NIPBL: variants seen among roughly 807,000 people sequenced by gnomAD.
NIPBL encodes NIPBL cohesin loading factor.
In NIPBL, 19 loss-of-function variants were observed where a neutral mutation model predicts 321.8. That is an observed-to-expected ratio of 0.06 (90% confidence interval 0.04 to 0.09). The LOEUF (loss-of-function observed/expected upper bound fraction) is 0.09, where lower values mean the gene tolerates loss of function less well. NIPBL is among the 10% of genes least tolerant of loss of function. NIPBL has a pLI of 1.00. For missense variants in NIPBL, 2,210 were observed against 3,327.0 expected (o/e 0.66, Z 8.26); for synonymous variants, 1,106 against 1,114.1 (o/e 0.99, Z 0.14).
At chr5:36,920,925 T>C (rs1561387772) in intron 1 of NIPBL, among the ~76,000 whole-genome samples, 1 of 152,102 alleles carries the variant, frequency 6.6e-6, no homozygotes, top group African/African-American at 2.4e-5. Context: ...CATTCTCTGC[T>C]TTGGCTGCTG....
intron 1 of NIPBL, among the ~76,000 whole-genome samples, chr5:36,907,525 A>T (rs1239161458): frequency 1.3e-5 from 2 of 152,200 alleles, no homozygotes; most frequent in African/African-American, 4.8e-5. Flanking sequence ...CTTCGGGAGT[A>T]TTATATGCAT....
chr5:36,896,280 A>C (rs1018012837), intron 1 of NIPBL, among the ~76,000 whole-genome samples: 1 of 152,196 alleles, frequency 6.6e-6, no homozygotes, highest in Non-Finnish European at 1.5e-5. Flanking sequence ...TTATTCCATC[A>C]GTCCATATGT....
intron 11 of NIPBL, among the ~76,000 whole-genome samples, chr5:36,997,669 C>T (rs537620329): frequency 1.3e-5 from 2 of 152,222 alleles, no homozygotes; most frequent in African/African-American, 2.4e-5. Flanking sequence ...GGAGTAGCTT[C>T]CTGTTTTTCT....
At chr5:36,999,441 G>A (rs1467617479) in intron 11 of NIPBL, among the ~76,000 whole-genome samples, 1 of 152,134 alleles carries the variant, frequency 6.6e-6, no homozygotes, top group Non-Finnish European at 1.5e-5. Flanking sequence ...AACAGACATG[G>A]TAAATATTTG....
At chr5:37,048,394 T>C (rs897371936) in intron 38 of NIPBL, 108 bp from the exon 39 acceptor site, 7 of 625,260 alleles carry the variant, frequency 1.1e-5, no homozygotes, top group South Asian at 4.2e-5. Flanking sequence ...TTTTAAGTTT[T>C]AATTTTTTGA....
chr5:36,952,058 G>GCA lies in NIPBL; in HGVS notation c.-79-1559_-79-1558insAC, dbSNP rs1561070130. 1.5e-4 allele frequency among the ~76,000 whole-genome samples: 14 copies of GCA among 92,958 alleles called. No homozygotes were observed. The East Asian group carries it at 1.8e-3, about 12-fold the overall frequency. The allele number at this position is 92,958 out of a possible 152,430, so 61.0% of individuals were successfully genotyped here. On this transcript the variant is annotated intron_variant, in intron 1 of 46. Coordinates refer to ENST00000282516, the MANE Select transcript of NIPBL (RefSeq NM_133433.4). ...TGTGTGTGTGTGTGTGTGTGTGCGC[G>GCA]CGCGCGCGCGCGCGCATGTGTGTGT...
At chr5:36,909,355 G>T (rs1397294441) in intron 1 of NIPBL, among the ~76,000 whole-genome samples, 1 of 152,196 alleles carries the variant, frequency 6.6e-6, no homozygotes, top group Admixed American at 6.5e-5. Context: ...AGAGTTCAGT[G>T]TATTCAGGAA....
chr5:37,045,665 AG>A, intron 37 of NIPBL, 68 bp downstream of exon 37: 1 of 1,498,246 alleles, frequency 6.7e-7, no homozygotes, highest in Non-Finnish European at 9.3e-7. Context: ...TGAGAATGAC[AG>A]TAGTGACCCA....
intron 9 of NIPBL, 133 bp downstream of exon 9, chr5:36,976,535 A>G: frequency 1.3e-6 from 1 of 790,788 alleles, no homozygotes; most frequent in Non-Finnish European, 2.0e-6. Flanking sequence ...TATTTTTATT[A>G]CTAATACTCA....
At chr5:37,010,468 A>G (rs1490026875) in intron 21 of NIPBL, among the ~76,000 whole-genome samples, 1 of 152,068 alleles carries the variant, frequency 6.6e-6, no homozygotes, top group Non-Finnish European at 1.5e-5. Context: ...GGCACGCACC[A>G]CCACGCCCGG....
intron 9 of NIPBL, among the ~76,000 whole-genome samples, chr5:36,982,598 T>G (rs1287900335): frequency 6.6e-6 from 1 of 151,882 alleles, no homozygotes; most frequent in Non-Finnish European, 1.5e-5. Flanking sequence ...CTTTCATACA[T>G]TTTTTATTAT....
intron 32 of NIPBL, among the ~76,000 whole-genome samples, chr5:37,033,351 G>T (rs1049638971): frequency 2.6e-5 from 4 of 151,914 alleles, no homozygotes; most frequent in Non-Finnish European, 4.4e-5. Flanking sequence ...AAAATATTGG[G>T]ACTTATTTTC....
rs1443645418 is a variant in NIPBL, at chr5:37,000,418, A to G, written c.3350A>G (p.Tyr1117Cys). 5.6e-6 allele frequency: 9 copies of G among 1,613,234 alleles called. No homozygotes were observed. In the Admixed American group the frequency reaches 1.5e-4, roughly 27 times the overall value. ...AAAGATGATGATAAAGCTTGGGAAT[A>G]TGAAGAGCGTGACAGAAGAAGCTCT... ...HKKDDDKAWE[Y>C]EERDRRSSGD... Residue 1117 changes from tyrosine (Y) to cysteine (C), a missense_variant, in exon 12 of 47, where the codon TAT (tyrosine) becomes TGT (cysteine). Physicochemically the swap from Tyr to Cys is radical, Grantham distance 194. Coordinates refer to ENST00000282516, the MANE Select transcript of NIPBL (RefSeq NM_133433.4).
intron 8 of NIPBL, among the ~76,000 whole-genome samples, chr5:36,972,610 G>A (rs1013510071): frequency 6.6e-6 from 1 of 152,058 alleles, no homozygotes; most frequent in African/African-American, 2.4e-5. Context: ...TGTCTCCCAA[G>A]TTCTAATTCT....
rs181248975 is a variant in NIPBL, at chr5:37,058,623, C to T, written c.7411-268C>T. On this transcript the variant is annotated intron_variant, in intron 43 of 46. Transcript: ENST00000282516. ...TTTTATAACTATCTTTTATTACTGT[C>T]CTTAGAAGAAAATTGTTTCCCTTTG... Among the ~76,000 whole-genome samples, 7 of 152,160 alleles carry T rather than the reference C, an allele frequency of 4.6e-5. No individual in the cohort carries two copies. The East Asian group carries it at 1.4e-3, about 29-fold the overall frequency.
At chr5:36,941,602 C>A (rs1349678047) in intron 1 of NIPBL, among the ~76,000 whole-genome samples, 1 of 150,938 alleles carries the variant, frequency 6.6e-6, no homozygotes. Context: ...TGTTTGGAAT[C>A]ATTATCTGAG....
At chr5:37,050,013 A>G (rs1160350606) in intron 40 of NIPBL, among the ~76,000 whole-genome samples, 1 of 152,156 alleles carries the variant, frequency 6.6e-6, no homozygotes, top group Non-Finnish European at 1.5e-5. Context: ...ATGTTAACAA[A>G]TATTTATCCT....
In NIPBL at chr5:37,026,216, C is replaced by A. The variant is rs562131143; in HGVS notation, c.5710-13C>A. ...GTTATAATTAGTTAATTTGAAATTT[C>A]TCTTCCTTCTAGAAATTAGTAAATG... On this transcript the variant is annotated splice_polypyrimidine_tract_variant and intron_variant, in intron 30 of 46. Transcript: ENST00000282516. 2.7e-6 allele frequency: 4 copies of A among 1,489,510 alleles called. No homozygotes were observed. Among genetic ancestry groups the A allele is most frequent in the Non-Finnish European group, 3.7e-6 (4 of 1,069,170 alleles). The allele number at this position is 1,489,510 out of a possible 1,614,324, so 92.3% of individuals were successfully genotyped here.
rs995322514 is a variant in NIPBL at position 37,065,037 on chromosome 5, C to G, written c.*145C>G. 7.1e-6 allele frequency: 7 copies of G among 984,704 alleles called. No individual in the cohort carries two copies. Among genetic ancestry groups the G allele is most frequent in the East Asian group, 2.6e-5 (1 of 39,172 alleles). 61.0% of individuals were successfully genotyped at this position (984,704 alleles called of 1,614,324 possible). A position where few individuals can be genotyped will look rare whatever the true frequency, so the allele number is the denominator to read the frequency against. On this transcript the variant is annotated 3_prime_UTR_variant, in exon 47 of 47. Coordinates refer to ENST00000282516, the MANE Select transcript of NIPBL (RefSeq NM_133433.4). ...AGGAACAAAAGAAGGAAATGTTGGG[C>G]AAACATTTTTGTGGGAGCTCCCTTC... is the stretch of plus-strand genomic sequence containing the variant.
Sources: gnomAD v4.1 joint callset for allele counts (sites outside exome capture counted in the v4.1 genomes callset) on GRCh38, gnomAD v4.1.1 for gene constraint, MANE v1.5 for transcripts, NCBI Gene and HGNC (gene_info 2026-07-23, HGNC 2026-07-21) for gene names.